The following PTPRM variants were observed in gnomAD, a reference collection of about 807,000 sequenced individuals.
PTPRM encodes receptor-type tyrosine-protein phosphatase mu.
A neutral mutation model predicts 186.7 loss-of-function variants in PTPRM; 47 were observed. That is an observed-to-expected ratio of 0.25 (90% confidence interval 0.20 to 0.32). PTPRM has a LOEUF of 0.32. PTPRM is among the 10% of genes least tolerant of loss of function. The probability of loss-of-function intolerance (pLI) is 1.00; values close to 1 mark genes in which losing one functional copy is unlikely to be tolerated. For synonymous variants in PTPRM, 668 were observed against 674.9 expected (o/e 0.99, Z 0.16); for missense variants, 1,494 against 1,865.0 (o/e 0.80, Z 3.66).
intron 19 of PTPRM, among the ~76,000 whole-genome samples, chr18:8,263,538 T>G (rs980658850): frequency 6.6e-6 from 1 of 152,178 alleles, no homozygotes; most frequent in Non-Finnish European, 1.5e-5. Flanking sequence ...ATTTTATGAG[T>G]GATAAGAGCA....
At chr18:7,935,379 G>T (rs774085374) in intron 5 of PTPRM, among the ~76,000 whole-genome samples, 3 of 150,590 alleles carry the variant, frequency 2.0e-5, no homozygotes, top group African/African-American at 7.5e-5. Context: ...ACCTTTAGGC[G>T]TATACCTTAT....
chr18:8,329,673 C>T (rs1441794510), intron 22 of PTPRM, among the ~76,000 whole-genome samples: 5 of 151,380 alleles, frequency 3.3e-5, no homozygotes, highest in Non-Finnish European at 2.9e-5. Context: ...GATCAGCACA[C>T]GATCCGGAAT....
intron 1 of PTPRM, among the ~76,000 whole-genome samples, chr18:7,621,386 C>A (rs894941103): frequency 1.3e-5 from 2 of 151,700 alleles, no homozygotes; most frequent in African/African-American, 2.4e-5. Context: ...TAGCCCTGCC[C>A]CCACACATGC....
chr18:7,771,596 T>C (rs2042271854), intron 1 of PTPRM, among the ~76,000 whole-genome samples: 1 of 152,216 alleles, frequency 6.6e-6, no homozygotes, highest in Non-Finnish European at 1.5e-5. Flanking sequence ...GAGTGTTTAG[T>C]TGAAACAAGT....
chr18:7,848,582 T>G lies in PTPRM; in HGVS notation c.197-39524T>G, dbSNP rs575060969. Among the ~76,000 whole-genome samples the G allele has an allele frequency of 5.3e-5, 8 of 151,700 alleles. No homozygotes were observed. The East Asian group carries it at 1.6e-3, about 30-fold the overall frequency. On this transcript the variant is annotated intron_variant, in intron 2 of 32. Coordinates refer to ENST00000580170, the MANE Select transcript of PTPRM (RefSeq NM_001105244.2). ...AGCCCAGGAATTTGAGACCAGACTGTGCAACACGGTGAAACCCTGTCTCTA... is the reference window on the plus strand; with the variant it reads ...AGCCCAGGAATTTGAGACCAGACTGGGCAACACGGTGAAACCCTGTCTCTA...
chr18:7,567,746 A>G lies in PTPRM; in HGVS notation c.-73A>G, dbSNP rs1277681917. On this transcript the variant is annotated 5_prime_UTR_variant, in exon 1 of 33. Coordinates refer to ENST00000580170, the MANE Select transcript of PTPRM (RefSeq NM_001105244.2). The surrounding 1 kb of genome is among the most constrained non-coding windows in gnomAD (Gnocchi z 4.3). ...TCTCTCCTCGCTGCCTCGGAACCAA[A>G]GCTCCCGGCCCCCTCCGCCCTCGCG... The G allele has an allele frequency of 2.2e-6, 3 of 1,365,618 alleles. No homozygotes were observed. Among genetic ancestry groups the G allele is most frequent in the Admixed American group, 2.8e-5 (1 of 35,972 alleles). The allele number at this position is 1,365,618 out of a possible 1,614,324, so 84.6% of individuals were successfully genotyped here.
intron 31 of PTPRM, among the ~76,000 whole-genome samples, chr18:8,390,655 G>T (rs1053080414): frequency 1.3e-5 from 2 of 152,304 alleles, no homozygotes; most frequent in Non-Finnish European, 2.9e-5. Flanking sequence ...CCAGCCCAGC[G>T]CAGTGGCTCA....
At chr18:7,705,374 T>G (rs2040063111) in intron 1 of PTPRM, among the ~76,000 whole-genome samples, 1 of 151,206 alleles carries the variant, frequency 6.6e-6, no homozygotes, top group East Asian at 1.9e-4. Context: ...TCTCTCTCTC[T>G]ATCTTCCTAT....
chr18:8,319,075 A>G (rs981875140), intron 21 of PTPRM, 103 bp from the exon 22 acceptor site: 12 of 752,446 alleles, frequency 1.6e-5, no homozygotes, highest in African/African-American at 1.1e-4. Context: ...TGATGCAGCT[A>G]TTGGCGTTTG....
chr18:8,207,564 T>C (rs2093948214), intron 14 of PTPRM, among the ~76,000 whole-genome samples: 1 of 152,126 alleles, frequency 6.6e-6, no homozygotes, highest in African/African-American at 2.4e-5. Context: ...ATGAAATAAG[T>C]GGTACAGTAA....
At chr18:8,013,344 C>T (rs1160562248) in intron 7 of PTPRM, among the ~76,000 whole-genome samples, 1 of 152,132 alleles carries the variant, frequency 6.6e-6, no homozygotes, top group African/African-American at 2.4e-5. Context: ...TTCTAATGGC[C>T]TACTGTTGAC....
intron 2 of PTPRM, among the ~76,000 whole-genome samples, chr18:7,842,930 G>GTT (rs377182615): frequency 9.9e-6 from 1 of 100,942 alleles, no homozygotes; most frequent in Non-Finnish European, 1.8e-5. Context: ...GTGTGTGTGT[G>GTT]TATATATATA....
At position 8,334,092 on chromosome 18, in the gene PTPRM, T is replaced by A. The variant is rs573350342; in HGVS notation, c.2957-9331T>A. On this transcript the variant is annotated intron_variant, in intron 22 of 32. Transcript: ENST00000580170. ...GGCTGGAGTAGGTGCCTCACACTGC[T>A]GTGTTGGGGAATGAATGAGATCGTG... Among the ~76,000 whole-genome samples the A allele has an allele frequency of 9.8e-5, 15 of 152,294 alleles. No homozygotes were observed. The South Asian group carries it at 1.5e-3, about 15-fold the overall frequency.
chr18:7,738,347 T>G (rs778151127), intron 1 of PTPRM, among the ~76,000 whole-genome samples: 3 of 152,180 alleles, frequency 2.0e-5, no homozygotes, highest in Non-Finnish European at 4.4e-5. Flanking sequence ...CAGAAAGTTG[T>G]TTAGATGCTT....
intron 1 of PTPRM, among the ~76,000 whole-genome samples, chr18:7,656,032 AAAAAG>A (rs1254762538): frequency 5.3e-5 from 8 of 152,216 alleles, no homozygotes; most frequent in African/African-American, 1.9e-4. Flanking sequence ...TCAAAAAACT[AAAAAG>A]AGAATGATCC....
At chr18:7,857,658 C>T (rs781517866) in intron 2 of PTPRM, among the ~76,000 whole-genome samples, 3 of 152,148 alleles carry the variant, frequency 2.0e-5, no homozygotes, top group Admixed American at 6.5e-5. Flanking sequence ...TCCTCAGGGC[C>T]ATTCATCCAT....
intron 7 of PTPRM, among the ~76,000 whole-genome samples, chr18:8,040,106 CCAG>C (rs1405068444): frequency 6.6e-6 from 1 of 151,986 alleles, no homozygotes; most frequent in Non-Finnish European, 1.5e-5. Context: ...GTTGATTTCC[CCAG>C]AAGTAGATGA....
chr18:7,847,280 C>T (rs1387651644), intron 2 of PTPRM, among the ~76,000 whole-genome samples: 1 of 151,612 alleles, frequency 6.6e-6, no homozygotes, highest in Non-Finnish European at 1.5e-5. Context: ...GATTCTCCCA[C>T]CTCAGCCTCC....
chr18:8,351,521 C>A (rs556096157), intron 23 of PTPRM, among the ~76,000 whole-genome samples: 3 of 151,728 alleles, frequency 2.0e-5, no homozygotes, highest in Non-Finnish European at 4.4e-5. Context: ...GTGGGTCCTT[C>A]CAGGTAGGCC....
Sources: allele counts gnomAD v4.1 joint callset (sites outside exome capture counted in the v4.1 genomes callset), GRCh38; gene constraint gnomAD v4.1.1; non-coding constraint Gnocchi (gnomAD v3.1); transcripts MANE v1.5; gene names NCBI Gene and HGNC (gene_info 2026-07-23, HGNC 2026-07-21).